ZFAND3: variants seen among roughly 807,000 people sequenced by gnomAD.
The protein encoded by ZFAND3 is AN1-type zinc finger protein 3.
A neutral mutation model predicts 29.6 loss-of-function variants in ZFAND3; 10 were observed. That is an observed-to-expected ratio of 0.34 (90% confidence interval 0.21 to 0.57). ZFAND3 has a LOEUF of 0.57. ZFAND3 is among the 20% of genes least tolerant of loss of function. The pLI is 0.86. For synonymous variants in ZFAND3, 128 were observed against 112.6 expected (o/e 1.14, Z -0.87); for missense variants, 230 against 304.5 (o/e 0.76, Z 1.82).
rs553389114 is a variant in ZFAND3 at position 38,022,344 on chromosome 6, C to T, written c.113-39249C>T. ...AGGAAAGAAAATGCTTTTTGTTTCA[C>T]CAACAGGAAGCCTGATCATGATTTT... On this transcript the variant is annotated intron_variant, in intron 2 of 5. Coordinates refer to ENST00000287218, the MANE Select transcript of ZFAND3 (RefSeq NM_021943.3). Among the ~76,000 whole-genome samples, 40 of 152,276 alleles carry T rather than the reference C, an allele frequency of 2.6e-4. No homozygotes were observed. In the East Asian group the frequency reaches 7.5e-3, roughly 29 times the overall value.
intron 1 of ZFAND3, among the ~76,000 whole-genome samples, chr6:37,834,414 G>A (rs1763924903): frequency 6.6e-6 from 1 of 152,128 alleles, no homozygotes; most frequent in Non-Finnish European, 1.5e-5. Context: ...AAGACATCTT[G>A]ATTGCTTCCA....
intron 2 of ZFAND3, among the ~76,000 whole-genome samples, chr6:38,031,561 T>C (rs983118834): frequency 3.9e-5 from 6 of 152,198 alleles, no homozygotes; most frequent in Non-Finnish European, 5.9e-5. Flanking sequence ...GTTCTCAGAC[T>C]TTGGAGTCCA....
At chr6:37,957,138 T>G (rs568643810) in intron 2 of ZFAND3, among the ~76,000 whole-genome samples, 106 of 152,316 alleles carry the variant, frequency 7.0e-4, no homozygotes, top group Middle Eastern at 3.4e-3. Flanking sequence ...AACGATTCAG[T>G]CTTTTAGTCT....
chr6:37,916,072 G>A (rs1310800759), intron 1 of ZFAND3, among the ~76,000 whole-genome samples: 1 of 135,592 alleles, frequency 7.4e-6, no homozygotes, highest in East Asian at 2.1e-4. Context: ...CCCGGCTGCT[G>A]TGTTTTTTTT....
chr6:38,030,219 GTC>G (rs1763533785), intron 2 of ZFAND3, among the ~76,000 whole-genome samples: 1 of 148,526 alleles, frequency 6.7e-6, no homozygotes, highest in African/African-American at 2.5e-5. Flanking sequence ...TAGAGACAGG[GTC>G]TCTCTATGTT....
intron 5 of ZFAND3, among the ~76,000 whole-genome samples, chr6:38,144,209 ATAATATATAATATATATATATAT>A (rs1766043485): frequency 2.1e-4 from 9 of 42,720 alleles, no homozygotes; most frequent in South Asian, 5.0e-4. Context: ...ATATATATAT[ATAATATATAATATATATATATAT>A]TTTTTTTTTA....
chr6:38,031,149 A>G lies in ZFAND3; in HGVS notation c.113-30444A>G, dbSNP rs879764022. Among the ~76,000 whole-genome samples the G allele has an allele frequency of 4.3e-4, 65 of 152,158 alleles. 3 individuals carry two copies. The highest frequency in any genetic ancestry group is 4.4e-5 in the Non-Finnish European group (3 of 68,018). ...TATCCAAGGTGCTGCTTTTTTCACT[A>G]CGTAGTTTTTTGTTTCTTCTCCGTT... is the stretch of plus-strand genomic sequence containing the variant. On this transcript the variant is annotated intron_variant, in intron 2 of 5. Transcript: ENST00000287218.
At chr6:38,026,628 AC>A (rs977845356) in intron 2 of ZFAND3, among the ~76,000 whole-genome samples, 2 of 151,762 alleles carry the variant, frequency 1.3e-5, no homozygotes, top group African/African-American at 4.8e-5. Context: ...ATGGGGCTTC[AC>A]CATGTTGCCC....
At chr6:37,944,666 C>G (rs1473002418) in intron 2 of ZFAND3, among the ~76,000 whole-genome samples, 1 of 152,150 alleles carries the variant, frequency 6.6e-6, no homozygotes, top group Non-Finnish European at 1.5e-5. Flanking sequence ...CTTCATATAA[C>G]TTGGGTAGCA....
intron 1 of ZFAND3, among the ~76,000 whole-genome samples, chr6:37,899,421 C>T (rs772358228): frequency 6.6e-6 from 1 of 152,086 alleles, no homozygotes; most frequent in Non-Finnish European, 1.5e-5. Flanking sequence ...TTATTGTTAG[C>T]CTTTAACAAT....
At position 37,930,022 on chromosome 6, in the gene ZFAND3, T is replaced by C. The variant is rs201769921; in HGVS notation, c.112+23T>C. 4.9e-4 allele frequency: 770 copies of C among 1,559,994 alleles called. 4 individuals carry two copies. In the African/African-American group the frequency reaches 9.5e-3, roughly 19 times the overall value. The stretch of plus-strand genomic sequence containing the variant: ...CTGGTAAGTGCAGAAAAAGGGTTTT[T>C]TAATTTACTTTCATTTTTCTTTCTT... On this transcript the variant is annotated intron_variant, in intron 2 of 5. Transcript: ENST00000287218.
At chr6:38,045,198 C>T (rs1763877994) in intron 2 of ZFAND3, among the ~76,000 whole-genome samples, 3 of 151,740 alleles carry the variant, frequency 2.0e-5, no homozygotes, top group Non-Finnish European at 4.4e-5. Flanking sequence ...AGCAGTCCTC[C>T]TGCTTCAGCC....
intron 2 of ZFAND3, among the ~76,000 whole-genome samples, chr6:37,981,739 C>T (rs572181539): frequency 2.5e-4 from 38 of 151,844 alleles, no homozygotes; most frequent in South Asian, 6.3e-4. Flanking sequence ...TTGTGTAAAC[C>T]GAAGAGTGTC....
chr6:37,992,604 G>T (rs917507776), intron 2 of ZFAND3, among the ~76,000 whole-genome samples: 1 of 151,832 alleles, frequency 6.6e-6, no homozygotes, highest in African/African-American at 2.4e-5. Flanking sequence ...CCAAGAATAA[G>T]GATATTATTT....
chr6:38,041,905 C>T (rs1249234194), intron 2 of ZFAND3, among the ~76,000 whole-genome samples: 2 of 147,062 alleles, frequency 1.4e-5, no homozygotes, highest in East Asian at 2.0e-4. Flanking sequence ...GACACAATCT[C>T]GCCTCACCGC....
chr6:37,939,307 G>A (rs1220908180), intron 2 of ZFAND3, among the ~76,000 whole-genome samples: 6 of 152,166 alleles, frequency 3.9e-5, no homozygotes, highest in South Asian at 2.1e-4. Flanking sequence ...ATAGTTCTTG[G>A]CATTCCTTTG....
intron 2 of ZFAND3, among the ~76,000 whole-genome samples, chr6:38,042,499 A>G (rs919871163): frequency 6.6e-6 from 1 of 151,780 alleles, no homozygotes; most frequent in African/African-American, 2.4e-5. Context: ...TTTTTAGTAG[A>G]GATGGGGTTT....
chr6:37,961,651 G>A (rs139026254), intron 2 of ZFAND3, among the ~76,000 whole-genome samples: 210 of 152,382 alleles, frequency 1.4e-3, no homozygotes, highest in African/African-American at 4.8e-3. Context: ...AAGTGGCTCA[G>A]AGCAGAGAGA....
At chr6:38,069,307 A>G (rs1764406917) in intron 3 of ZFAND3, among the ~76,000 whole-genome samples, 1 of 152,196 alleles carries the variant, frequency 6.6e-6, no homozygotes, top group African/African-American at 2.4e-5. Context: ...TTTTAAGTGA[A>G]ATATGGTGGG....
Sources: gnomAD v4.1 joint callset for allele counts (sites outside exome capture counted in the v4.1 genomes callset) on GRCh38, gnomAD v4.1.1 for gene constraint, MANE v1.5 for transcripts, NCBI Gene and HGNC (gene_info 2026-07-23, HGNC 2026-07-21) for gene names.